Variants in SAMD3 observed in about 807,000 individuals in gnomAD.
SAMD3 encodes the protein sterile alpha motif domain-containing protein 3.
Under a neutral mutation model 58.5 loss-of-function variants are expected in SAMD3, and 63 were observed. The observed-to-expected ratio is 1.08, with a 90% CI of 0.88 to 1.33. The LOEUF is 1.33. Ranked by LOEUF, SAMD3 falls within the 40% of genes most tolerant of loss-of-function variation. The pLI is 0.00. For synonymous variants in SAMD3, 220 were observed against 210.3 expected, an observed-to-expected ratio of 1.05 and a Z score of -0.40; for missense variants, 604 against 608.4, an observed-to-expected ratio of 0.99 and a Z score of 0.08.
chr6:130,184,663 AAAT>A, intron 5 of SAMD3, 40 bp from the exon 6 acceptor site: 1 of 1,519,710 alleles, frequency 6.6e-7, no homozygotes, highest in South Asian at 1.2e-5. Context: ...ATTCTATTCC[AAAT>A]ATATGCAGTT....
intron 5 of SAMD3, among the ~76,000 whole-genome samples, chr6:130,207,933 A>G (rs1342847630): frequency 6.6e-6 from 1 of 152,142 alleles, no homozygotes; most frequent in African/African-American, 2.4e-5. Context: ...TCTTCTCTGC[A>G]CTCATAGGGC....
intron 2 of SAMD3, among the ~76,000 whole-genome samples, chr6:130,275,352 C>T (rs537904225): frequency 1.6e-4 from 24 of 151,972 alleles, no homozygotes; most frequent in East Asian, 1.9e-4. Context: ...AAAAAATAGT[C>T]GAAAGAGATT....
At chr6:130,239,473 G>A (rs1046696131) in intron 2 of SAMD3, among the ~76,000 whole-genome samples, 5 of 152,050 alleles carry the variant, frequency 3.3e-5, no homozygotes, top group African/African-American at 9.7e-5. Flanking sequence ...GCCAGTGAAG[G>A]CGTTTTTTGG....
intron 1 of SAMD3, among the ~76,000 whole-genome samples, chr6:130,321,042 C>T (rs764062036): frequency 5.3e-5 from 8 of 152,220 alleles, no homozygotes; most frequent in Non-Finnish European, 7.3e-5. Flanking sequence ...TCTAACATAA[C>T]TCCCAATGAT....
chr6:130,328,973 A>G (rs1776840060), intron 1 of SAMD3, among the ~76,000 whole-genome samples: 1 of 152,142 alleles, frequency 6.6e-6, no homozygotes, highest in African/African-American at 2.4e-5. Context: ...AGAATATAAG[A>G]GATTGTCTTT....
At chr6:130,146,917 T>C (rs1055441525) in intron 9 of SAMD3, among the ~76,000 whole-genome samples, 4 of 152,058 alleles carry the variant, frequency 2.6e-5, no homozygotes, top group Admixed American at 2.6e-4. Context: ...GAGACTGCAG[T>C]GAACCGAGAC....
chr6:130,306,941 T>A (rs1411127011), intron 2 of SAMD3, among the ~76,000 whole-genome samples: 1 of 152,238 alleles, frequency 6.6e-6, no homozygotes, highest in Non-Finnish European at 1.5e-5. Flanking sequence ...ACTTCACTAC[T>A]GAGGTTCTAT....
chr6:130,277,981 T>A (rs1001425910), intron 2 of SAMD3, among the ~76,000 whole-genome samples: 4 of 152,278 alleles, frequency 2.6e-5, no homozygotes, highest in African/African-American at 9.6e-5. Flanking sequence ...ACTAACAAAG[T>A]AGCCACAAGA....
chr6:130,281,021 C>T (rs1408977645), intron 2 of SAMD3, among the ~76,000 whole-genome samples: 1 of 151,678 alleles, frequency 6.6e-6, no homozygotes, highest in African/African-American at 2.4e-5. Context: ...ATAATAAAGT[C>T]TAATTTATAA....
chr6:130,301,034 T>C (rs1035363795), intron 2 of SAMD3, among the ~76,000 whole-genome samples: 2 of 152,162 alleles, frequency 1.3e-5, no homozygotes, highest in African/African-American at 4.8e-5. Context: ...GTGTTCTCAC[T>C]GTTCAACTCC....
chr6:130,340,354 T>C (rs1384314765), intron 1 of SAMD3, among the ~76,000 whole-genome samples: 1 of 152,220 alleles, frequency 6.6e-6, no homozygotes, highest in Admixed American at 6.5e-5. Flanking sequence ...AAGCCACTAG[T>C]ATAGCATCTT....
At chr6:130,167,735 G>T (rs1402577179) in intron 8 of SAMD3, among the ~76,000 whole-genome samples, 3 of 152,192 alleles carry the variant, frequency 2.0e-5, no homozygotes, top group South Asian at 2.1e-4. Flanking sequence ...CATAAGAAGC[G>T]ATGGCACAGC....
At chr6:130,226,526 T>A (rs1445947616), upstream of SAMD3, among the ~76,000 whole-genome samples, 1 of 152,256 alleles carries the variant, frequency 6.6e-6, no homozygotes, top group Non-Finnish European at 1.5e-5. Flanking sequence ...TATAACACTT[T>A]ATAAAAATAA....
chr6:130,145,265 T>G (rs1037766974), intron 11 of SAMD3, 75 bp downstream of exon 11: 3 of 717,000 alleles, frequency 4.2e-6, no homozygotes, highest in Non-Finnish European at 4.2e-6. Context: ...CTCAAAAATA[T>G]AAGTAAATAA....
chr6:130,224,354 T>A (rs935749269), upstream of SAMD3, among the ~76,000 whole-genome samples: 1 of 151,970 alleles, frequency 6.6e-6, no homozygotes, highest in Non-Finnish European at 1.5e-5. Context: ...CTTACGTCCA[T>A]GGGTACAGGC....
chr6:130,307,854 T>C (rs1385461518), intron 2 of SAMD3, among the ~76,000 whole-genome samples: 1 of 152,204 alleles, frequency 6.6e-6, no homozygotes, highest in Non-Finnish European at 1.5e-5. Context: ...TTTGAGACAG[T>C]TGTTTTAGAA....
chr6:130,229,538 T>C (rs1040727969), intron 2 of SAMD3, among the ~76,000 whole-genome samples: 2 of 152,230 alleles, frequency 1.3e-5, no homozygotes, highest in African/African-American at 4.8e-5. Flanking sequence ...CTGAGATTTA[T>C]ACCTGTGTGC....
chr6:130,349,590 C>T (rs1029638686), intron 1 of SAMD3, among the ~76,000 whole-genome samples: 6 of 152,166 alleles, frequency 3.9e-5, no homozygotes, highest in African/African-American at 1.4e-4. Context: ...AGCTTACCAA[C>T]CAAAAAAAGT....
rs140613051 is a variant in SAMD3, at chr6:130,184,102, C to T, written c.654+1G>A. 3.4e-4 allele frequency: 553 copies of T among 1,612,644 alleles called. No individual in the cohort carries two copies. Among genetic ancestry groups the T allele is most frequent in the Admixed American group, 5.0e-4 (30 of 60,012 alleles). On this transcript the variant is annotated splice_donor_variant, in intron 7 of 11. Coordinates refer to ENST00000439090, the MANE Select transcript of SAMD3 (RefSeq NM_001017373.4). LOFTEE classifies it high-confidence loss of function. ...CAGGATGGTGCCATGTGGTCACTTA[C>T]GAAGCCACAGCCATCCTCATCCAGG...
Sources: allele counts gnomAD v4.1 joint callset (sites outside exome capture counted in the v4.1 genomes callset), GRCh38; gene constraint gnomAD v4.1.1; transcripts MANE v1.5; gene names NCBI Gene and HGNC (gene_info 2026-07-23, HGNC 2026-07-21).